The following THSD7A variants were observed in gnomAD, a reference collection of about 807,000 sequenced individuals.
THSD7A encodes the protein thrombospondin type-1 domain-containing protein 7A.
A neutral mutation model predicts 231.3 loss-of-function variants in THSD7A; 96 were observed. The observed-to-expected ratio is 0.41, with a 90% CI of 0.35 to 0.49. The LOEUF is 0.49. THSD7A is among the 20% of genes least tolerant of loss of function. THSD7A has a pLI of 0.05. For missense variants in THSD7A, 2,290 were observed against 2,070.2 expected, an observed-to-expected ratio of 1.11 and a Z score of -2.06; for synonymous variants, 940 against 743.3, an observed-to-expected ratio of 1.26 and a Z score of -4.30.
At chr7:11,811,020 T>C (rs1370321163) in intron 1 of THSD7A, among the ~76,000 whole-genome samples, 1 of 152,206 alleles carries the variant, frequency 6.6e-6, no homozygotes, top group Non-Finnish European at 1.5e-5. Context: ...ATGAAGATGC[T>C]GAACTTCAAA....
At chr7:11,758,789 T>G (rs377166106) in intron 1 of THSD7A, among the ~76,000 whole-genome samples, 12 of 152,176 alleles carry the variant, frequency 7.9e-5, no homozygotes, top group Admixed American at 5.9e-4. Context: ...GATGACCGGA[T>G]AGTAAATATT....
intron 1 of THSD7A, among the ~76,000 whole-genome samples, chr7:11,673,092 G>A (rs756828813): frequency 6.6e-6 from 1 of 152,086 alleles, no homozygotes; most frequent in African/African-American, 2.4e-5. Flanking sequence ...AAACACAGAG[G>A]ATTAATAGTT....
At chr7:11,532,428 G>T (rs1212129579) in intron 6 of THSD7A, among the ~76,000 whole-genome samples, 5 of 152,082 alleles carry the variant, frequency 3.3e-5, no homozygotes, top group Admixed American at 2.0e-4. Flanking sequence ...TTGAGACTTG[G>T]GATTGGTAAA....
chr7:11,625,785 C>T (rs1170815507), intron 2 of THSD7A, among the ~76,000 whole-genome samples: 1 of 151,966 alleles, frequency 6.6e-6, no homozygotes, highest in African/African-American at 2.4e-5. Context: ...GTATTTCCTC[C>T]TATTTAAAAC....
At chr7:11,466,992 C>A (rs1785734914) in intron 9 of THSD7A, among the ~76,000 whole-genome samples, 1 of 152,138 alleles carries the variant, frequency 6.6e-6, no homozygotes, top group Non-Finnish European at 1.5e-5. Flanking sequence ...ACAGCACTAT[C>A]TACCCGCATA....
intron 13 of THSD7A, among the ~76,000 whole-genome samples, chr7:11,430,432 T>A (rs866830733): frequency 1.3e-5 from 2 of 152,274 alleles, no homozygotes; most frequent in Middle Eastern, 3.4e-3. Context: ...TCTAGACATT[T>A]CATATAAATG....
intron 1 of THSD7A, chr7:11,821,136 T>G (rs1562579091): frequency 9.2e-7 from 1 of 1,087,494 alleles, no homozygotes; most frequent in Non-Finnish European, 1.4e-6. Flanking sequence ...TTCCTCTATT[T>G]AGGTATTTAG....
At chr7:11,815,766 T>C (rs185079468) in intron 1 of THSD7A, among the ~76,000 whole-genome samples, 8 of 152,280 alleles carry the variant, frequency 5.3e-5, no homozygotes, top group African/African-American at 1.7e-4. Flanking sequence ...TGACTTGATC[T>C]CCTAGATTCT....
At chr7:11,563,106 G>T (rs1790143742) in intron 4 of THSD7A, among the ~76,000 whole-genome samples, 1 of 152,078 alleles carries the variant, frequency 6.6e-6, no homozygotes, top group African/African-American at 2.4e-5. Context: ...TTTTGGAGAT[G>T]TTCCTGTACT....
chr7:11,624,935 A>G (rs762534572), intron 2 of THSD7A, among the ~76,000 whole-genome samples: 6 of 152,100 alleles, frequency 3.9e-5, no homozygotes, highest in Non-Finnish European at 7.4e-5. Flanking sequence ...GATAGATTAG[A>G]ATGCCAGAGA....
intron 6 of THSD7A, among the ~76,000 whole-genome samples, chr7:11,501,780 A>G (rs951666905): frequency 6.6e-6 from 1 of 152,216 alleles, no homozygotes; most frequent in Non-Finnish European, 1.5e-5. Flanking sequence ...ATAACAAAAA[A>G]TCAGAGCTGA....
chr7:11,665,510 T>G (rs1373738143), intron 1 of THSD7A, among the ~76,000 whole-genome samples: 1 of 152,140 alleles, frequency 6.6e-6, no homozygotes, highest in African/African-American at 2.4e-5. Flanking sequence ...AAAGCTGTTC[T>G]CATCCATTTT....
chr7:11,408,831 T>A (rs1430658990), intron 19 of THSD7A, among the ~76,000 whole-genome samples: 1 of 152,192 alleles, frequency 6.6e-6, no homozygotes, highest in Non-Finnish European at 1.5e-5. Flanking sequence ...GTATTTGGTA[T>A]GAAAACTTTT....
At chr7:11,542,841 A>G (rs1789210748) in intron 5 of THSD7A, 121 bp downstream of exon 5, 2 of 1,095,390 alleles carry the variant, frequency 1.8e-6, no homozygotes, top group South Asian at 1.7e-5. Flanking sequence ...TTTGAAATTA[A>G]TAGTCTTTAG....
chr7:11,781,011 A>AT (rs1462693194), intron 1 of THSD7A, among the ~76,000 whole-genome samples: 1 of 119,772 alleles, frequency 8.3e-6, no homozygotes, highest in Non-Finnish European at 1.7e-5. Context: ...AAAAAAAAAA[A>AT]AAAAAAAAAA....
chr7:11,460,993 T>C (rs1421375187), intron 10 of THSD7A, among the ~76,000 whole-genome samples: 1 of 152,210 alleles, frequency 6.6e-6, no homozygotes, highest in Admixed American at 6.5e-5. Context: ...CATTGTCAAG[T>C]TCTATAGGAC....
chr7:11,804,682 A>G (rs764042317), intron 1 of THSD7A, among the ~76,000 whole-genome samples: 3 of 152,204 alleles, frequency 2.0e-5, no homozygotes, highest in Non-Finnish European at 4.4e-5. Context: ...TTAAGGCATT[A>G]CATTTCTCTC....
intron 1 of THSD7A, among the ~76,000 whole-genome samples, chr7:11,706,630 C>CTTTTTGTTTTTTTTTTTTTTTT (rs1780776748): frequency 1.5e-5 from 1 of 66,420 alleles, no homozygotes; most frequent in Non-Finnish European, 2.7e-5. Context: ...TAACAAGGTG[C>CTTTTTGTTTTTTTTTTTTTTTT]TTTTTTTTTT....
intron 6 of THSD7A, among the ~76,000 whole-genome samples, chr7:11,506,278 G>A (rs535376487): frequency 1.4e-4 from 22 of 152,184 alleles, no homozygotes; most frequent in African/African-American, 4.8e-4. Context: ...GGAGTGAGCC[G>A]CGCTGGGCCT....
Sources: gnomAD v4.1 joint callset for allele counts (sites outside exome capture counted in the v4.1 genomes callset) on GRCh38, gnomAD v4.1.1 for gene constraint, MANE v1.5 for transcripts, NCBI Gene and HGNC (gene_info 2026-07-23, HGNC 2026-07-21) for gene names.